The following NFKBIE variants were observed in gnomAD, a reference collection of about 807,000 sequenced individuals.
The protein encoded by NFKBIE is NFKB inhibitor epsilon, also known as NF-kappa-B inhibitor epsilon.
Under a neutral mutation model 31.6 loss-of-function variants are expected in NFKBIE, and 11 were observed. The observed-to-expected ratio is 0.35, with a 90% CI of 0.22 to 0.58. The LOEUF is 0.58. Ranked by LOEUF, NFKBIE falls within the 20% of genes least tolerant of loss-of-function variation. The pLI is 0.83. For synonymous variants in NFKBIE, 208 were observed against 210.1 expected (o/e 0.99, Z 0.09); for missense variants, 354 against 465.7 (o/e 0.76, Z 2.21).
rs1373830745 is a variant in NFKBIE, at chr6:44,263,616, T to C, written c.366-954A>G. On this transcript the variant is annotated intron_variant, in intron 1 of 5. Transcript: ENST00000619360. This position sits in a 1 kb window ranked among gnomAD's most constrained non-coding sequence, Gnocchi z 5.0. ...GGAAATCCCCTAGGCCAGGGCCTGC[T>C]CTCTGGGTCACATTCTTGCAGCCAC... 1.1e-4 allele frequency among the ~76,000 whole-genome samples: 17 copies of C among 151,902 alleles called. No individual in the cohort carries two copies. Among genetic ancestry groups the C allele is most frequent in the Admixed American group, 1.1e-3 (17 of 15,252 alleles).
rs1271195786 is a variant in NFKBIE, at chr6:44,263,379, G to A, written c.366-717C>T. Among the ~76,000 whole-genome samples the A allele has an allele frequency of 2.0e-5, 3 of 152,116 alleles. No homozygotes were observed. Among genetic ancestry groups the A allele is most frequent in the Non-Finnish European group, 4.4e-5 (3 of 68,016 alleles). On this transcript the variant is annotated intron_variant, in intron 1 of 5. Coordinates refer to ENST00000619360, the MANE Select transcript of NFKBIE (RefSeq NM_004556.3). This position sits in a 1 kb window ranked among gnomAD's most constrained non-coding sequence, Gnocchi z 5.0. Reference sequence around the variant, plus strand: ...AGTTGGGAGGGGAAGTTCCAGTCTTGGGGTTTCCCCACGTCAGGTGGGGAA... The same window carrying A: ...AGTTGGGAGGGGAAGTTCCAGTCTTAGGGTTTCCCCACGTCAGGTGGGGAA...
Position 44,261,551 on chromosome 6 carries a change from C to A in NFKBIE, c.691+75G>T. The A allele has an allele frequency of 6.6e-7, 1 of 1,504,018 alleles. No individual in the cohort carries two copies. The highest frequency in any genetic ancestry group is 9.1e-7 in the Non-Finnish European group (1 of 1,094,216). 93.2% of individuals were successfully genotyped at this position (1,504,018 alleles called of 1,614,324 possible). Reference sequence around the variant, plus strand: ...GGACAAGCTGGGACCCTCCCTTCCCCAAGAGTGAGGTCCCTATCTCCTATG... The same window carrying A: ...GGACAAGCTGGGACCCTCCCTTCCCAAAGAGTGAGGTCCCTATCTCCTATG... On this transcript the variant is annotated intron_variant, in intron 3 of 5. Transcript: ENST00000619360. The surrounding 1 kb of genome is among the most constrained non-coding windows in gnomAD (Gnocchi z 4.3).
In NFKBIE at chr6:44,259,072, G is replaced by T; in HGVS notation, c.*147C>A. ...CTTGCAGTCCCTCCTCCTCGGCTCA[G>T]GACTGTACTGGCTGGCCCCAGGCTC... is the stretch of plus-strand genomic sequence containing the variant. On this transcript the variant is annotated 3_prime_UTR_variant, in exon 6 of 6. Transcript: ENST00000619360. The T allele has an allele frequency of 2.6e-6, 2 of 765,236 alleles. No individual in the cohort carries two copies. The highest frequency in any genetic ancestry group is 4.5e-6 in the Non-Finnish European group (2 of 447,940). 47.4% of individuals were successfully genotyped at this position (765,236 alleles called of 1,614,324 possible). A position where few individuals can be genotyped will look rare whatever the true frequency, so the allele number is the denominator to read the frequency against.
In NFKBIE at chr6:44,264,977, C is replaced by T; in HGVS notation, c.365+5G>A. 1 of 1,561,708 alleles carries T rather than the reference C, an allele frequency of 6.4e-7. No individual in the cohort carries two copies. Among genetic ancestry groups the T allele is most frequent in the Non-Finnish European group, 8.7e-7 (1 of 1,153,346 alleles). ...ATCCCGATTCAGCCTAGCCCCCATA[C>T]TCACGTGTCTCCGTCCTCGGAGATG... On this transcript the variant is annotated splice_donor_5th_base_variant and intron_variant, in intron 1 of 5. Coordinates refer to ENST00000619360, the MANE Select transcript of NFKBIE (RefSeq NM_004556.3).
chr6:44,262,700 A>ACTCCCTCTGGCCTG, intron 1 of NFKBIE, 38 bp from the exon 2 acceptor site: 1 of 1,548,208 alleles, frequency 6.5e-7, no homozygotes, highest in Non-Finnish European at 8.9e-7. Flanking sequence ...TTAAGGGCCC[A>ACTCCCTCTGGCCTG]GGCCAGAGGG....
At position 44,261,712 on chromosome 6, in the gene NFKBIE, G is replaced by T. The variant is rs1781926949; in HGVS notation, c.605C>A (p.Ala202Asp). The change falls in exon 3 of 6, where the codon GCC (alanine) becomes GAC (aspartate). Residue 202 changes from alanine (A) to aspartate (D), a missense_variant. Physicochemically the swap from Ala to Asp is moderately radical, Grantham distance 126 (BLOSUM62 -2). Transcript: ENST00000619360. This position sits in a 1 kb window ranked among gnomAD's most constrained non-coding sequence, Gnocchi z 4.3. ...CCCTTCCAGCAGGCAGCGGGCACAG[G>T]CCAAGTGCTGGCGCTGGCAGGCCAC... ...LHVACQRQHLACARCLLEGRP... is the reference protein window; with the variant it reads ...LHVACQRQHLDCARCLLEGRP... 3.1e-6 allele frequency: 5 copies of T among 1,614,140 alleles called. No homozygotes were observed. Among genetic ancestry groups the T allele is most frequent in the Non-Finnish European group, 2.5e-6 (3 of 1,180,026 alleles).
In NFKBIE at chr6:44,260,359, T is replaced by C. The variant is rs1218077885; in HGVS notation, c.781-77A>G. 1.2e-6 allele frequency: 2 copies of C among 1,610,952 alleles called. No individual in the cohort carries two copies. Among genetic ancestry groups the C allele is most frequent in the Non-Finnish European group, 1.7e-6 (2 of 1,177,590 alleles). On this transcript the variant is annotated intron_variant, in intron 4 of 5. Transcript: ENST00000619360. This position sits in a 1 kb window ranked among gnomAD's most constrained non-coding sequence, Gnocchi z 5.5. ...CCTGGGCTCTGGATAAGGAAGTGAATGCCACCACTTCTGACTGCTGGGCAG... is the reference window on the plus strand; with the variant it reads ...CCTGGGCTCTGGATAAGGAAGTGAACGCCACCACTTCTGACTGCTGGGCAG...
At chr6:44,262,497 CT>C in intron 2 of NFKBIE, 62 bp downstream of exon 2, 2 of 1,428,078 alleles carry the variant, frequency 1.4e-6, no homozygotes, top group Non-Finnish European at 2.0e-6. Flanking sequence ...ACTGGTATGG[CT>C]GCTGGGAATG....
chr6:44,262,504 G>T, intron 2 of NFKBIE, 56 bp downstream of exon 2: 2 of 1,473,102 alleles, frequency 1.4e-6, no homozygotes, highest in Non-Finnish European at 1.9e-6. Flanking sequence ...TGGCTGCTGG[G>T]AATGGCTGCC....
In NFKBIE at chr6:44,262,468, C is replaced by T. The variant is rs1474763483; in HGVS notation, c.468+92G>A. 2.7e-6 allele frequency: 3 copies of T among 1,103,652 alleles called. No individual in the cohort carries two copies. The Admixed American group carries it at 5.6e-5, about 21-fold the overall frequency. The allele number at this position is 1,103,652 out of a possible 1,614,324, so 68.4% of individuals were successfully genotyped here. A position where few individuals can be genotyped will look rare whatever the true frequency, so the allele number is the denominator to read the frequency against. The stretch of plus-strand genomic sequence containing the variant: ...AGCTCAGTGTCTGGCATATGGTTTC[C>T]TAAGTGAGCAGCCTTTGGACTGGTA... On this transcript the variant is annotated intron_variant, in intron 2 of 5. Transcript: ENST00000619360.
At position 44,265,299 on chromosome 6, in the gene NFKBIE, G is replaced by A. The variant is rs758540796; in HGVS notation, c.48C>T (p.Tyr16=). The change falls in exon 1 of 6, where the codon TAC becomes TAT. Residue 16 remains tyrosine (Y), a synonymous_variant. Coordinates refer to ENST00000619360, the MANE Select transcript of NFKBIE (RefSeq NM_004556.3). The part of the protein sequence containing the change: ...KGPDEAEESQ[Y]DSGIESLRSL... ...AGCGCAGAGACTCAATGCCAGAGTCGTACTGGCTCTCCTCCGCCTCGTCCG... is the reference window on the plus strand; with the variant it reads ...AGCGCAGAGACTCAATGCCAGAGTCATACTGGCTCTCCTCCGCCTCGTCCG... 1.3e-5 allele frequency: 20 copies of A among 1,548,976 alleles called. No individual in the cohort carries two copies. The Middle Eastern group carries it at 5.4e-4, about 42-fold the overall frequency.
At chr6:44,259,313 T>C (rs1052921575) in intron 5 of NFKBIE, 29 bp from the exon 6 acceptor site, 1 of 1,568,460 alleles carries the variant, frequency 6.4e-7, no homozygotes, top group Admixed American at 1.7e-5. Flanking sequence ...AGAAGCAAGA[T>C]CAGAGGACAT....
chr6:44,264,415 T>G (rs1280146158), intron 1 of NFKBIE, among the ~76,000 whole-genome samples: 1 of 152,172 alleles, frequency 6.6e-6, no homozygotes, highest in African/African-American at 2.4e-5. Flanking sequence ...CACTTCCCCT[T>G]TCTTAGCAGA....
Position 44,260,526 on chromosome 6 carries a change from G to A in NFKBIE, c.705C>T (p.Leu235=). 1 of 1,614,086 alleles carries A rather than the reference G, an allele frequency of 6.2e-7. No individual in the cohort carries two copies. Among genetic ancestry groups the A allele is most frequent in the Non-Finnish European group, 8.5e-7 (1 of 1,180,006 alleles). ...QLQNWQGLAC[L]HIATLQKNQP... ...GGTTCTTCTGAAGGGTGGCAATGTG[G>A]AGACAAGCCAGACCTGGGATGGGGT... The change falls in exon 4 of 6, where the codon CTC becomes CTT. Residue 235 remains leucine, a synonymous_variant. Coordinates refer to ENST00000619360, the MANE Select transcript of NFKBIE (RefSeq NM_004556.3). The surrounding 1 kb of genome is among the most constrained non-coding windows in gnomAD (Gnocchi z 5.5).
chr6:44,263,768 C>T lies in NFKBIE; in HGVS notation c.366-1106G>A, dbSNP rs1044802701. On this transcript the variant is annotated intron_variant, in intron 1 of 5. Transcript: ENST00000619360. The surrounding 1 kb of genome is among the most constrained non-coding windows in gnomAD (Gnocchi z 5.0). ...CTCTCTGGGGACTCGCTGGGGAGCC[C>T]GGACATTTCTCCCCTCCACACACAC... Among the ~76,000 whole-genome samples, 5 of 152,046 alleles carry T rather than the reference C, an allele frequency of 3.3e-5. No individual in the cohort carries two copies. Among genetic ancestry groups the T allele is most frequent in the African/African-American group, 9.7e-5 (4 of 41,402 alleles).
In NFKBIE at chr6:44,261,815, G is replaced by T. The variant is rs1781931754; in HGVS notation, c.502C>A (p.Pro168Thr). The change falls in exon 3 of 6, where the codon CCG becomes ACG. Residue 168 changes from proline to threonine, a missense_variant. Physicochemically the swap from Pro to Thr is conservative, Grantham distance 38 (BLOSUM62 -1). Coordinates refer to ENST00000619360, the MANE Select transcript of NFKBIE (RefSeq NM_004556.3). The surrounding 1 kb of genome is among the most constrained non-coding windows in gnomAD (Gnocchi z 4.3). Reference sequence around the variant, plus strand: ...AGCACCAGTGCCCGAACTGCGCCCGGTTGGTCCAGATGTACAGCCAGATGG... The same window carrying T: ...AGCACCAGTGCCCGAACTGCGCCCGTTTGGTCCAGATGTACAGCCAGATGG... Reference protein sequence around the residue: ...ALHLAVHLDQPGAVRALVLKG... With the variant: ...ALHLAVHLDQTGAVRALVLKG... 5 of 1,612,280 alleles carry T rather than the reference G, an allele frequency of 3.1e-6. No homozygotes were observed. Among genetic ancestry groups the T allele is most frequent in the Non-Finnish European group, 4.2e-6 (5 of 1,179,980 alleles).
At position 44,265,018 on chromosome 6, in the gene NFKBIE, A is replaced by T; in HGVS notation, c.329T>A (p.Leu110Gln). The T allele has an allele frequency of 6.3e-7, 1 of 1,585,364 alleles. No individual in the cohort carries two copies. Among genetic ancestry groups the T allele is most frequent in the Non-Finnish European group, 8.6e-7 (1 of 1,166,052 alleles). The change falls in exon 1 of 6, where the codon CTG becomes CAG. Residue 110 changes from leucine (L) to glutamine (Q), a missense_variant. Physicochemically the swap from Leu to Gln is moderately radical, Grantham distance 113. This residue lies in a region of NFKBIE where 171 missense variants were observed against 155.1 expected (regional missense o/e 1.10). Coordinates refer to ENST00000619360, the MANE Select transcript of NFKBIE (RefSeq NM_004556.3). Reference sequence around the variant, plus strand: ...CTCGGAGATGTAAGTGAGTGCTTCCAGCTGCTGAGGGCTCAGCGCCCCCAC... The same window carrying T: ...CTCGGAGATGTAAGTGAGTGCTTCCTGCTGCTGAGGGCTCAGCGCCCCCAC... The part of the protein sequence containing the change: ...PHVGALSPQQ[L>Q]EALTYISEDG...
intron 2 of NFKBIE, 95 bp downstream of exon 2, chr6:44,262,465 T>C: frequency 9.5e-7 from 1 of 1,056,532 alleles, no homozygotes. Context: ...GGCATATGGT[T>C]TCCTAAGTGA....
In NFKBIE at chr6:44,264,874, A is replaced by G. The variant is rs960637042; in HGVS notation, c.365+108T>C. 2.5e-6 allele frequency: 3 copies of G among 1,211,182 alleles called. No homozygotes were observed. The African/African-American group carries it at 4.5e-5, about 18-fold the overall frequency. The allele number at this position is 1,211,182 out of a possible 1,614,324, so 75.0% of individuals were successfully genotyped here. A position where few individuals can be genotyped will look rare whatever the true frequency, so the allele number is the denominator to read the frequency against. ...GTTAAGTCTGGAGTTTGGAAGAGCG[A>G]ATGGGGACTTGAAGGATCTTCACGG... On this transcript the variant is annotated intron_variant, in intron 1 of 5. Coordinates refer to ENST00000619360, the MANE Select transcript of NFKBIE (RefSeq NM_004556.3).
Sources: gnomAD v4.1 joint callset for allele counts (sites outside exome capture counted in the v4.1 genomes callset) on GRCh38, gnomAD v4.1.1 for gene constraint, gnomAD v4.1.1 regional missense constraint, Gnocchi (gnomAD v3.1) non-coding constraint, MANE v1.5 for transcripts, NCBI Gene and HGNC (gene_info 2026-07-23, HGNC 2026-07-21) for gene names.